Variants in COL4A5 observed in about 807,000 individuals in gnomAD.
COL4A5 encodes the protein collagen alpha-5(IV) chain.
Under a neutral mutation model 130.2 loss-of-function variants are expected in COL4A5, and 26 were observed. That is an observed-to-expected ratio of 0.20 (90% CI 0.15 to 0.28). The LOEUF (loss-of-function observed/expected upper bound fraction) is 0.28, where lower values mean the gene tolerates loss of function less well. Among genes scored for constraint, COL4A5 ranks in the 10% least tolerant of loss-of-function variants. The probability of loss-of-function intolerance (pLI) is 1.00; values close to 1 mark genes in which losing one functional copy is unlikely to be tolerated. For synonymous variants in COL4A5, 496 were observed against 439.6 expected (o/e 1.13, Z -1.60); for missense variants, 1,131 against 1,344.3 (o/e 0.84, Z 2.48).
At chrX:108,461,442 G>A (rs1403132569) in intron 1 of COL4A5, among the ~76,000 whole-genome samples, 2 of 111,594 alleles carry the variant, frequency 1.8e-5, no homozygotes, top group Non-Finnish European at 3.8e-5. Flanking sequence ...CTTAGGATTT[G>A]TTTTAAAATC....
intron 44 of COL4A5, among the ~76,000 whole-genome samples, chrX:108,677,930 A>G (rs2068339733): frequency 8.9e-6 from 1 of 111,887 alleles, no homozygotes; most frequent in African/African-American, 3.2e-5. Flanking sequence ...AGACATGCAT[A>G]TTAGAGCATT....
chrX:108,648,700 A>G (rs2067660975), intron 36 of COL4A5, among the ~76,000 whole-genome samples: 1 of 110,408 alleles, frequency 9.1e-6, no homozygotes, highest in African/African-American at 3.3e-5. Context: ...TCACTTTACA[A>G]TTAAAACTCT....
At chrX:108,592,021 C>A (rs1227240462) in intron 21 of COL4A5, among the ~76,000 whole-genome samples, 2 of 111,882 alleles carry the variant, frequency 1.8e-5, no homozygotes, top group Non-Finnish European at 3.8e-5. Flanking sequence ...CCTTCTCTCA[C>A]TTCATTGCAC....
intron 3 of COL4A5, among the ~76,000 whole-genome samples, chrX:108,562,848 G>A (rs1373977746): frequency 9.0e-6 from 1 of 111,376 alleles, no homozygotes; most frequent in South Asian, 3.8e-4. Context: ...TAGGCAGTAC[G>A]TTCATGTCAC....
chrX:108,554,153 G>C lies in COL4A5; in HGVS notation c.142-4911G>C, dbSNP rs1472472224. Among the ~76,000 whole-genome samples the C allele has an allele frequency of 1.6e-4, 18 of 111,361 alleles. No individual in the cohort carries two copies. In the Admixed American group the frequency reaches 1.7e-3, roughly 11 times the overall value. On this transcript the variant is annotated intron_variant, in intron 2 of 52. Coordinates refer to ENST00000328300, the MANE Select transcript of COL4A5 (RefSeq NM_033380.3). ...ATGGATTGGCTATGCTCATTATTTTGATTGTGGTGATGATTTCTGTATTAG... is the reference window on the plus strand; with the variant it reads ...ATGGATTGGCTATGCTCATTATTTTCATTGTGGTGATGATTTCTGTATTAG...
At chrX:108,517,070 C>G (rs1247517038) in intron 1 of COL4A5, among the ~76,000 whole-genome samples, 1 of 111,782 alleles carries the variant, frequency 8.9e-6, no homozygotes, top group Non-Finnish European at 1.9e-5. Flanking sequence ...TGTTCATCAT[C>G]ATTTTTGTTG....
At chrX:108,692,009 T>G (rs911264263) in intron 49 of COL4A5, among the ~76,000 whole-genome samples, 1 of 111,603 alleles carries the variant, frequency 9.0e-6, no homozygotes, top group African/African-American at 3.2e-5. Flanking sequence ...ACTGGCACAG[T>G]ATCAATTTAA....
At chrX:108,626,527 G>T in intron 36 of COL4A5, 178 bp downstream of exon 36, 1 of 1,145,775 alleles carries the variant, frequency 8.7e-7, no homozygotes, top group Non-Finnish European at 1.2e-6. Flanking sequence ...TAGGGTTTGT[G>T]GCCAGTCCAA....
intron 36 of COL4A5, among the ~76,000 whole-genome samples, chrX:108,636,261 A>G (rs2067353522): frequency 2.7e-5 from 3 of 112,002 alleles, no homozygotes; most frequent in South Asian, 3.7e-4. Flanking sequence ...GAACTAAACC[A>G]TAAACATATT....
rs1455990891 is a variant in COL4A5, at chrX:108,626,437, A to C, written c.3246+88A>C. The C allele has an allele frequency of 2.3e-5, 27 of 1,179,128 alleles. No individual in the cohort carries two copies. In the East Asian group the frequency reaches 7.5e-4, roughly 33 times the overall value. On this transcript the variant is annotated intron_variant, in intron 36 of 52. Transcript: ENST00000328300. ...GCTCATTCCTAAGTTTTCATTAAAC[A>C]AACTATAGAATGACATAGTATATTC...
chrX:108,548,608 A>G (rs1032275608), intron 2 of COL4A5, among the ~76,000 whole-genome samples: 1 of 111,498 alleles, frequency 9.0e-6, no homozygotes, highest in African/African-American at 3.3e-5. Flanking sequence ...GAAAAGTATA[A>G]ATTTACAGAT....
chrX:108,568,278 A>G (rs760928481), intron 4 of COL4A5, among the ~76,000 whole-genome samples: 30 of 111,362 alleles, frequency 2.7e-4, no homozygotes, highest in Non-Finnish European at 4.3e-4. Flanking sequence ...CAGTGGAAAT[A>G]TATTTGCCAC....
At chrX:108,460,031 T>G (rs1603247362) in intron 1 of COL4A5, among the ~76,000 whole-genome samples, 1 of 112,009 alleles carries the variant, frequency 8.9e-6, no homozygotes, top group Middle Eastern at 4.7e-3. Flanking sequence ...TTTCCTACAT[T>G]TTGTGTTAAC....
intron 49 of COL4A5, chrX:108,689,408 G>A: frequency 2.7e-6 from 2 of 753,013 alleles, no homozygotes; most frequent in Non-Finnish European, 3.1e-6. Context: ...ATTCAAAAAT[G>A]TAATGCAGTT....
At chrX:108,656,365 T>A (rs2067842017) in intron 37 of COL4A5, among the ~76,000 whole-genome samples, 2 of 112,455 alleles carry the variant, frequency 1.8e-5, no homozygotes, top group South Asian at 7.3e-4. Context: ...TATGCAATAT[T>A]ACATTGAAGA....
intron 1 of COL4A5, among the ~76,000 whole-genome samples, chrX:108,496,653 T>C (rs767405710): frequency 3.0e-3 from 332 of 111,438 alleles, no homozygotes; most frequent in African/African-American, 0.01. Context: ...TATAGTTGTG[T>C]GTTTGCGTTT....
chrX:108,641,376 G>T (rs182920458), intron 36 of COL4A5, among the ~76,000 whole-genome samples: 1 of 111,708 alleles, frequency 9.0e-6, no homozygotes, highest in Non-Finnish European at 1.9e-5. Context: ...GGATCATCAT[G>T]GTGGACGGGA....
Position 108,624,285 on chromosome X carries a change from C to T in COL4A5, c.2967C>T (p.Asp989=). ...GPKGYQGLPG[D]PGQPGLSGQP... The stretch of plus-strand genomic sequence containing the variant: ...AAGGTTATCAGGGTTTGCCTGGAGA[C>T]CCAGGGCAACCTGGACTGAGTGGAC... Residue 989 remains aspartate, a synonymous_variant, in exon 34 of 53, where the codon GAC becomes GAT. Transcript: ENST00000328300. 1.7e-6 allele frequency: 2 copies of T among 1,210,626 alleles called. No individual in the cohort carries two copies. The highest frequency in any genetic ancestry group is 1.1e-6 in the Non-Finnish European group (1 of 894,825).
chrX:108,566,850 C>G (rs1255622972), intron 4 of COL4A5, among the ~76,000 whole-genome samples: 1 of 111,625 alleles, frequency 9.0e-6, no homozygotes, highest in Non-Finnish European at 1.9e-5. Context: ...GTCACTGTTT[C>G]AATGTCTTCT....
Sources: gnomAD v4.1 joint callset for allele counts (sites outside exome capture counted in the v4.1 genomes callset) on GRCh38, gnomAD v4.1.1 for gene constraint, MANE v1.5 for transcripts, NCBI Gene and HGNC (gene_info 2026-07-23, HGNC 2026-07-21) for gene names.